The following GKAP1 variants were observed in gnomAD, a reference collection of about 807,000 sequenced individuals.
GKAP1 encodes the protein G kinase anchoring protein 1.
Under a neutral mutation model 56.7 loss-of-function variants are expected in GKAP1, and 31 were observed. The ratio of observed to expected loss-of-function variants is 0.55; its 90% confidence interval spans 0.41 to 0.74. The LOEUF (loss-of-function observed/expected upper bound fraction) is 0.74. Among genes scored for constraint, GKAP1 ranks in the 30% least tolerant of loss-of-function variants. GKAP1 has a pLI of 0.00. For missense variants in GKAP1, 364 were observed against 402.3 expected (o/e 0.90, Z 0.82); for synonymous variants, 151 against 138.6 (o/e 1.09, Z -0.63).
intron 7 of GKAP1, among the ~76,000 whole-genome samples, chr9:83,774,703 T>C (rs1462449606): frequency 4.5e-4 from 48 of 107,806 alleles, no homozygotes; most frequent in African/African-American, 1.0e-3. Context: ...AGAAACCCCC[T>C]TTTTTTTTTT....
chr9:83,744,999 C>T (rs1379695299), intron 10 of GKAP1, among the ~76,000 whole-genome samples: 1 of 152,140 alleles, frequency 6.6e-6, no homozygotes, highest in Non-Finnish European at 1.5e-5. Flanking sequence ...CCCTTGACAA[C>T]TGGGGATTAT....
intron 2 of GKAP1, among the ~76,000 whole-genome samples, chr9:83,810,387 T>G (rs1346325899): frequency 1.3e-5 from 2 of 152,236 alleles, no homozygotes; most frequent in Admixed American, 1.3e-4. Context: ...GCAAGTACAA[T>G]TCTCTCATTA....
intron 7 of GKAP1, among the ~76,000 whole-genome samples, chr9:83,777,323 G>A (rs1943880440): frequency 6.6e-6 from 1 of 152,160 alleles, no homozygotes. Flanking sequence ...GGACTAGAGA[G>A]AAATGAGTAT....
chr9:83,765,103 G>C (rs1424340607), intron 8 of GKAP1, among the ~76,000 whole-genome samples: 1 of 152,176 alleles, frequency 6.6e-6, no homozygotes, highest in African/African-American at 2.4e-5. Flanking sequence ...TGGGTCCAGG[G>C]CCCCTCTGCT....
intron 2 of GKAP1, among the ~76,000 whole-genome samples, chr9:83,810,023 G>A (rs1944486396): frequency 6.6e-6 from 1 of 152,046 alleles, no homozygotes; most frequent in Non-Finnish European, 1.5e-5. Context: ...TGTTGCCTAA[G>A]CTGGTCTCCA....
intron 7 of GKAP1, 94 bp from the exon 8 acceptor site, chr9:83,769,064 T>C: frequency 1.1e-6 from 1 of 892,906 alleles, no homozygotes; most frequent in South Asian, 1.7e-5. Flanking sequence ...ATGCATTTAG[T>C]ACACCTAGTC....
intron 3 of GKAP1, among the ~76,000 whole-genome samples, chr9:83,801,012 T>G (rs1467930863): frequency 6.6e-6 from 1 of 152,240 alleles, no homozygotes; most frequent in Non-Finnish European, 1.5e-5. Flanking sequence ...AAAGATACCT[T>G]GAAGCCCTAA....
intron 4 of GKAP1, among the ~76,000 whole-genome samples, chr9:83,796,141 A>G (rs886276626): frequency 1.3e-5 from 2 of 152,098 alleles, no homozygotes; most frequent in African/African-American, 4.8e-5. Context: ...TATGTTGCCC[A>G]GGCCAGTCTC....
intron 2 of GKAP1, among the ~76,000 whole-genome samples, chr9:83,808,241 G>T (rs1944465164): frequency 6.6e-6 from 1 of 152,156 alleles, no homozygotes; most frequent in African/African-American, 2.4e-5. Flanking sequence ...AAATGGAAAA[G>T]AAATTCCAGA....
intron 4 of GKAP1, chr9:83,789,177 T>C (rs368873348): frequency 1.3e-5 from 2 of 152,276 alleles, no homozygotes; most frequent in Non-Finnish European, 2.9e-5. Context: ...TAATTGTTCA[T>C]AGTGCATCTT....
chr9:83,796,099 T>C (rs565362096), intron 4 of GKAP1, among the ~76,000 whole-genome samples: 4 of 152,196 alleles, frequency 2.6e-5, no homozygotes, highest in Non-Finnish European at 5.9e-5. Context: ...ATCAAAATAA[T>C]CTTTTTTCTT....
At chr9:83,743,954 G>C (rs113423914) in intron 10 of GKAP1, among the ~76,000 whole-genome samples, 1 of 152,158 alleles carries the variant, frequency 6.6e-6, no homozygotes, top group African/African-American at 2.4e-5. Context: ...GGAGAGACTA[G>C]AGAGGTAAAA....
intron 7 of GKAP1, among the ~76,000 whole-genome samples, chr9:83,779,907 C>T (rs564982663): frequency 6.6e-6 from 1 of 151,946 alleles, no homozygotes; most frequent in East Asian, 1.9e-4. Context: ...GAAGTGTAGG[C>T]TACACTAACA....
At chr9:83,779,629 AC>A (rs1943937874) in intron 7 of GKAP1, among the ~76,000 whole-genome samples, 4 of 148,252 alleles carry the variant, frequency 2.7e-5, no homozygotes, top group African/African-American at 5.1e-5. Flanking sequence ...ACACACACAC[AC>A]ACACACACAC....
rs751656430 is a variant in GKAP1 at position 83,739,745 on chromosome 9, C to T, written c.1054-1G>A. 3 of 1,601,714 alleles carry T rather than the reference C, an allele frequency of 1.9e-6. No individual in the cohort carries two copies. The highest frequency in any genetic ancestry group is 2.6e-6 in the Non-Finnish European group (3 of 1,175,038). On this transcript the variant is annotated splice_acceptor_variant, in intron 12 of 12. Transcript: ENST00000376371. LOFTEE classifies it high-confidence loss of function. ...AGTTTCTTTTCCCTTTTCTGCCACC[C>T]TGTAAAAAAAAAAAAAAATAGGGAA...
chr9:83,762,593 G>GA (rs1734333992), intron 8 of GKAP1, among the ~76,000 whole-genome samples: 1 of 152,020 alleles, frequency 6.6e-6, no homozygotes, highest in Admixed American at 6.6e-5. Flanking sequence ...ACTAGCCAAA[G>GA]ATATCTTAAG....
intron 11 of GKAP1, among the ~76,000 whole-genome samples, chr9:83,742,307 C>T (rs1943221697): frequency 1.3e-5 from 2 of 152,210 alleles, no homozygotes; most frequent in South Asian, 4.1e-4. Context: ...ATTCATGGTT[C>T]ATTAAAATAC....
chr9:83,760,498 T>C (rs1425458096), intron 8 of GKAP1, among the ~76,000 whole-genome samples: 2 of 152,178 alleles, frequency 1.3e-5, no homozygotes, highest in South Asian at 4.1e-4. Context: ...GGACTTAATC[T>C]GCACTATAAA....
At chr9:83,763,518 C>G (rs1215818532) in intron 8 of GKAP1, among the ~76,000 whole-genome samples, 1 of 152,142 alleles carries the variant, frequency 6.6e-6, no homozygotes, top group Non-Finnish European at 1.5e-5. Flanking sequence ...CAAAACATCT[C>G]TTGGAACCCA....
Sources: allele counts gnomAD v4.1 joint callset (sites outside exome capture counted in the v4.1 genomes callset), GRCh38; gene constraint gnomAD v4.1.1; transcripts MANE v1.5; gene names NCBI Gene and HGNC (gene_info 2026-07-23, HGNC 2026-07-21).